EPB41: variants seen among roughly 807,000 people sequenced by gnomAD.
The protein encoded by EPB41 is erythrocyte membrane protein band 4.1.
EPB41 carries 65 observed loss-of-function variants against 108.0 expected under a neutral mutation model. The observed-to-expected ratio is 0.60, with a 90% CI of 0.49 to 0.74. The LOEUF is 0.74. Ranked by LOEUF, EPB41 falls within the 30% of genes least tolerant of loss-of-function variation. The pLI is 0.00. For missense variants in EPB41, 875 were observed against 1,037.0 expected (o/e 0.84, Z 2.15); for synonymous variants, 336 against 358.9 (o/e 0.94, Z 0.72).
chr1:29,011,290 A>G (rs4110942), intron 4 of EPB41, among the ~76,000 whole-genome samples: 22,103 of 150,536 alleles, frequency 0.15, 2,290 homozygotes, highest in African/African-American at 0.3. Context: ...GCTTGAACCC[A>G]CGAGGCGGAG....
At chr1:28,978,930 C>T (rs1310113305) in intron 1 of EPB41, among the ~76,000 whole-genome samples, 1 of 151,362 alleles carries the variant, frequency 6.6e-6, no homozygotes, top group African/African-American at 2.5e-5. Context: ...ATCCTAGAGT[C>T]TCCAGCTTGC....
chr1:29,035,081 A>C (rs1462542248), intron 9 of EPB41, among the ~76,000 whole-genome samples: 2 of 148,962 alleles, frequency 1.3e-5, no homozygotes, highest in Non-Finnish European at 3.0e-5. Context: ...TCTCAGGTTC[A>C]AGTGATTCTC....
intron 11 of EPB41, among the ~76,000 whole-genome samples, chr1:29,052,828 C>A (rs1011987561): frequency 1.3e-5 from 2 of 151,982 alleles, no homozygotes; most frequent in African/African-American, 4.8e-5. Flanking sequence ...TTTTCTATTT[C>A]TTTTCTTTGA....
intron 1 of EPB41, among the ~76,000 whole-genome samples, chr1:28,915,908 C>T (rs974633240): frequency 5.3e-5 from 8 of 151,852 alleles, no homozygotes; most frequent in African/African-American, 1.9e-4. Flanking sequence ...TTGTTGTTTT[C>T]TGTATTCTCA....
intron 16 of EPB41, among the ~76,000 whole-genome samples, chr1:29,082,734 A>G (rs569641510): frequency 2.0e-5 from 3 of 152,184 alleles, no homozygotes; most frequent in Non-Finnish European, 4.4e-5. Context: ...GAGAACACTC[A>G]TTTGATCTGT....
intron 1 of EPB41, among the ~76,000 whole-genome samples, chr1:28,928,424 A>G (rs1217560403): frequency 2.6e-5 from 4 of 152,220 alleles, no homozygotes; most frequent in Non-Finnish European, 5.9e-5. Context: ...GGGAGACCAC[A>G]GTTACCCACG....
chr1:29,000,293 T>A (rs1037386283), intron 4 of EPB41, among the ~76,000 whole-genome samples: 1 of 152,052 alleles, frequency 6.6e-6, no homozygotes, highest in African/African-American at 2.4e-5. Flanking sequence ...AGAGATGGGG[T>A]TTCACCATAT....
chr1:28,917,788 C>T (rs1405724592), intron 1 of EPB41, among the ~76,000 whole-genome samples: 1 of 151,166 alleles, frequency 6.6e-6, no homozygotes, highest in Non-Finnish European at 1.5e-5. Context: ...CTATTGTTTC[C>T]CAGGCTGGTC....
At chr1:29,024,981 A>G (rs1039229652) in intron 7 of EPB41, among the ~76,000 whole-genome samples, 1 of 152,070 alleles carries the variant, frequency 6.6e-6, no homozygotes, top group Non-Finnish European at 1.5e-5. Flanking sequence ...AACTAATCCA[A>G]AGAAACTTCC....
At chr1:29,106,564 A>AATTTTTTTTTTTTTTTTTT (rs1233211329) in intron 17 of EPB41, among the ~76,000 whole-genome samples, 1 of 50,882 alleles carries the variant, frequency 2.0e-5, no homozygotes. Flanking sequence ...AGTAGCTGGG[A>AATTTTTTTTTTTTTTTTTT]TTTTTTTTTT....
At chr1:29,060,376 T>C in intron 14 of EPB41, 46 bp from the exon 15 acceptor site, 1 of 1,589,952 alleles carries the variant, frequency 6.3e-7, no homozygotes, top group Non-Finnish European at 8.6e-7. Flanking sequence ...AGAACAACAT[T>C]TTAATTTTTT....
chr1:28,999,238 C>T (rs757901110), intron 4 of EPB41, among the ~76,000 whole-genome samples: 8 of 152,240 alleles, frequency 5.3e-5, no homozygotes, highest in South Asian at 2.1e-4. Flanking sequence ...GGCATGGTGG[C>T]GGGCGCCTGT....
intron 18 of EPB41, among the ~76,000 whole-genome samples, chr1:29,110,937 C>T (rs1255591063): frequency 2.0e-5 from 3 of 152,116 alleles, no homozygotes; most frequent in East Asian, 1.9e-4. Context: ...GAGGCCAAGG[C>T]GGGCGGATCA....
intron 1 of EPB41, among the ~76,000 whole-genome samples, chr1:28,979,682 G>T (rs1048679140): frequency 2.1e-5 from 3 of 144,536 alleles, no homozygotes; most frequent in African/African-American, 8.2e-5. Flanking sequence ...CTTCACTTTG[G>T]CTAATGGATG....
At chr1:28,976,357 A>G (rs1557880676) in intron 1 of EPB41, among the ~76,000 whole-genome samples, 1 of 151,906 alleles carries the variant, frequency 6.6e-6, no homozygotes. Flanking sequence ...TTGGAATCTA[A>G]TTTTTTTATT....
chr1:28,912,783 A>C (rs1018729794), upstream of EPB41, among the ~76,000 whole-genome samples: 1 of 150,250 alleles, frequency 6.7e-6, no homozygotes, highest in Non-Finnish European at 1.5e-5. Context: ...AGGCCCAGCT[A>C]AGTTTTGTAT....
intron 1 of EPB41, among the ~76,000 whole-genome samples, chr1:28,975,922 C>CA (rs1387161596): frequency 8.7e-6 from 1 of 114,538 alleles, no homozygotes; most frequent in African/African-American, 3.5e-5. Flanking sequence ...GCCTGGGTGA[C>CA]AGAGTGAGAC....
chr1:29,085,309 A>AT (rs1002923836), intron 16 of EPB41, among the ~76,000 whole-genome samples: 1 of 151,406 alleles, frequency 6.6e-6, no homozygotes, highest in Non-Finnish European at 1.5e-5. Flanking sequence ...TGCCCGGCTA[A>AT]TTTTTTTGTA....
chr1:28,949,760 C>T (rs553479695), intron 1 of EPB41, among the ~76,000 whole-genome samples: 3 of 151,956 alleles, frequency 2.0e-5, no homozygotes, highest in Non-Finnish European at 4.4e-5. Flanking sequence ...CATGCCACCA[C>T]ACCCAGATAA....
Sources: gnomAD v4.1 joint callset for allele counts (sites outside exome capture counted in the v4.1 genomes callset) on GRCh38, gnomAD v4.1.1 for gene constraint, MANE v1.5 for transcripts, NCBI Gene and HGNC (gene_info 2026-07-23, HGNC 2026-07-21) for gene names.